Variants in UNC13C observed in about 807,000 individuals in gnomAD.
The protein encoded by UNC13C is unc-13 homolog C.
UNC13C carries 174 observed loss-of-function variants against 245.4 expected under a neutral mutation model. The observed-to-expected ratio is 0.71, with a 90% CI of 0.63 to 0.80. The LOEUF is 0.80. Among genes scored for constraint, UNC13C ranks in the 30% least tolerant of loss-of-function variants. The pLI, the probability that UNC13C is intolerant of heterozygous loss-of-function variation, is 0.00. For synonymous variants in UNC13C, 992 were observed against 895.1 expected, an observed-to-expected ratio of 1.11 and a Z score of -1.93; for missense variants, 2,829 against 2,602.9, an observed-to-expected ratio of 1.09 and a Z score of -1.89.
At chr15:53,982,201 G>C (rs935792158) in intron 1 of UNC13C, among the ~76,000 whole-genome samples, 1 of 152,138 alleles carries the variant, frequency 6.6e-6, no homozygotes, top group Middle Eastern at 3.4e-3. Flanking sequence ...GCCAATTTTT[G>C]TTGGCCCAAA....
intron 2 of UNC13C, chr15:54,050,371 T>G: frequency 1.8e-6 from 1 of 559,714 alleles, no homozygotes; most frequent in Non-Finnish European, 3.6e-6. Context: ...AAGGCACTCC[T>G]CCTTTTTCTG....
At position 54,507,108 on chromosome 15, in the gene UNC13C, C is replaced by G. The variant is rs982001134; in HGVS notation, c.5302-9C>G. 13 of 1,574,254 alleles carry G rather than the reference C, an allele frequency of 8.3e-6. No individual in the cohort carries two copies. Among genetic ancestry groups the G allele is most frequent in the Non-Finnish European group, 1.1e-5 (13 of 1,156,470 alleles). On this transcript the variant is annotated splice_polypyrimidine_tract_variant and intron_variant, in intron 22 of 32. Coordinates refer to ENST00000260323, the MANE Select transcript of UNC13C (RefSeq NM_001080534.3). ...ACCTGGGTAAAGTTCACAATGTTTT[C>G]TTTCTTAGACTATCAATAAAGTGCT... is the stretch of plus-strand genomic sequence containing the variant.
At chr15:54,095,934 C>T (rs1353912523) in intron 2 of UNC13C, among the ~76,000 whole-genome samples, 3 of 152,138 alleles carry the variant, frequency 2.0e-5, no homozygotes, top group Non-Finnish European at 4.4e-5. Context: ...TTGAAAGACA[C>T]ACAGCACGTG....
the UNC13C span, among the ~76,000 whole-genome samples, chr15:53,892,592 A>G: frequency 6.6e-6 from 1 of 151,600 alleles, no homozygotes; most frequent in Non-Finnish European, 1.5e-5. Flanking sequence ...TTTTTCTCTA[A>G]TCTTGTCTTC....
intron 19 of UNC13C, among the ~76,000 whole-genome samples, chr15:54,476,564 G>A (rs922097353): frequency 5.3e-5 from 8 of 151,494 alleles, no homozygotes; most frequent in South Asian, 4.2e-4. Flanking sequence ...ATTAAATAGG[G>A]AATGCTTTCC....
chr15:54,095,056 C>A (rs1214701843), intron 2 of UNC13C, among the ~76,000 whole-genome samples: 1 of 152,202 alleles, frequency 6.6e-6, no homozygotes, highest in Admixed American at 6.5e-5. Context: ...GTATGGTCCA[C>A]ATTTCTTCCA....
the UNC13C span, among the ~76,000 whole-genome samples, chr15:53,917,782 C>T: frequency 2.0e-5 from 3 of 152,286 alleles, no homozygotes; most frequent in East Asian, 5.8e-4. Flanking sequence ...GTTAGGACAA[C>T]AGGATTTGAG....
At chr15:54,150,179 G>T (rs2032452976) in intron 4 of UNC13C, among the ~76,000 whole-genome samples, 1 of 152,034 alleles carries the variant, frequency 6.6e-6, no homozygotes, top group African/African-American at 2.4e-5. Context: ...ATATTAGTTT[G>T]ATAAGTTGCA....
At chr15:54,510,739 C>G (rs919079800) in intron 23 of UNC13C, among the ~76,000 whole-genome samples, 1 of 152,080 alleles carries the variant, frequency 6.6e-6, no homozygotes, top group Non-Finnish European at 1.5e-5. Flanking sequence ...TTGCATGACT[C>G]TGGTTATTGG....
intron 13 of UNC13C, among the ~76,000 whole-genome samples, chr15:54,306,428 C>G (rs962774954): frequency 3.0e-4 from 45 of 151,956 alleles, no homozygotes; most frequent in African/African-American, 1.0e-3. Flanking sequence ...AAGGAACACA[C>G]CATTCCACAT....
At chr15:53,978,319 T>C (rs183980755), upstream of UNC13C, among the ~76,000 whole-genome samples, 1 of 151,852 alleles carries the variant, frequency 6.6e-6, no homozygotes, top group Admixed American at 6.6e-5. Flanking sequence ...CTACAGTGCG[T>C]CTCCTGTGAG....
At chr15:54,365,745 G>A (rs1278126070) in intron 17 of UNC13C, among the ~76,000 whole-genome samples, 4 of 146,550 alleles carry the variant, frequency 2.7e-5, no homozygotes, top group South Asian at 2.1e-4. Context: ...ACTGCTCCCC[G>A]CTCAAAAAGA....
At chr15:54,626,115 A>C (rs1901124594) in intron 32 of UNC13C, among the ~76,000 whole-genome samples, 1 of 152,054 alleles carries the variant, frequency 6.6e-6, no homozygotes, top group Non-Finnish European at 1.5e-5. Flanking sequence ...TATGAGAATG[A>C]ACAAAAATAA....
At chr15:53,884,060 T>A in the UNC13C span, among the ~76,000 whole-genome samples, 2 of 152,162 alleles carry the variant, frequency 1.3e-5, no homozygotes, top group Admixed American at 1.3e-4. Context: ...CGTGCATGGC[T>A]GAGTTAGGGT....
intron 17 of UNC13C, among the ~76,000 whole-genome samples, chr15:54,388,547 C>T (rs2039885456): frequency 6.6e-6 from 1 of 152,162 alleles, no homozygotes; most frequent in Non-Finnish European, 1.5e-5. Flanking sequence ...TAATTTTTCT[C>T]ACCACCAACA....
intron 2 of UNC13C, among the ~76,000 whole-genome samples, chr15:54,060,036 C>A (rs189199803): frequency 1.1e-4 from 16 of 152,298 alleles, no homozygotes; most frequent in African/African-American, 3.8e-4. Flanking sequence ...CTAGGCAATA[C>A]CATTCAGGAC....
intron 4 of UNC13C, among the ~76,000 whole-genome samples, chr15:54,229,270 G>A (rs144529935): frequency 4.6e-5 from 7 of 152,272 alleles, no homozygotes; most frequent in Middle Eastern, 3.4e-3. Flanking sequence ...GTGTCATTCC[G>A]ATTCTCTCCA....
intron 2 of UNC13C, among the ~76,000 whole-genome samples, chr15:54,118,172 G>GT (rs1244454731): frequency 6.6e-6 from 1 of 151,642 alleles, no homozygotes; most frequent in Admixed American, 6.6e-5. Context: ...TTTTAGAATT[G>GT]TTTTTTCTAT....
At chr15:54,033,901 G>A (rs1034895681) in intron 2 of UNC13C, among the ~76,000 whole-genome samples, 6 of 152,178 alleles carry the variant, frequency 3.9e-5, no homozygotes, top group African/African-American at 1.4e-4. Context: ...AAAGCAATGA[G>A]CTCTCTAATA....
Sources: allele counts gnomAD v4.1 joint callset (sites outside exome capture counted in the v4.1 genomes callset), GRCh38; gene constraint gnomAD v4.1.1; transcripts MANE v1.5; gene names NCBI Gene and HGNC (gene_info 2026-07-23, HGNC 2026-07-21).